The following PDZRN3 variants were observed in gnomAD, a reference collection of about 807,000 sequenced individuals.
The protein encoded by PDZRN3 is PDZ domain containing ring finger 3.
PDZRN3 carries 38 observed loss-of-function variants against 85.7 expected under a neutral mutation model. The ratio of observed to expected loss-of-function variants is 0.44; its 90% CI spans 0.34 to 0.58. The LOEUF (loss-of-function observed/expected upper bound fraction) is 0.58, where lower values mean the gene tolerates loss of function less well. PDZRN3 is among the 20% of genes least tolerant of loss of function. The pLI is 0.01. For missense variants in PDZRN3, 1,629 were observed against 1,506.4 expected (o/e 1.08, Z -1.35); for synonymous variants, 759 against 638.0 (o/e 1.19, Z -2.86).
chr3:73,608,079 T>A (rs1303955104), intron 2 of PDZRN3, among the ~76,000 whole-genome samples: 3 of 152,136 alleles, frequency 2.0e-5, no homozygotes, highest in Non-Finnish European at 4.4e-5. Context: ...GGCCTCTTCT[T>A]TCTAGAGGAG....
intron 3 of PDZRN3, among the ~76,000 whole-genome samples, chr3:73,576,680 T>C (rs1702128714): frequency 6.6e-6 from 1 of 152,206 alleles, no homozygotes; most frequent in Admixed American, 6.5e-5. Flanking sequence ...TTTTGCCTTT[T>C]TCAATTTTGC....
intron 3 of PDZRN3, among the ~76,000 whole-genome samples, chr3:73,581,548 G>T (rs1200426318): frequency 1.3e-5 from 2 of 152,134 alleles, no homozygotes; most frequent in African/African-American, 4.8e-5. Flanking sequence ...CGAGTCCCAG[G>T]ACTATAGGAA....
chr3:73,602,296 T>C (rs1702526476), intron 3 of PDZRN3, 58 bp downstream of exon 3: 2 of 927,290 alleles, frequency 2.2e-6, no homozygotes, highest in African/African-American at 1.6e-5. Context: ...TGCTTTGAGC[T>C]AGACGAAGAT....
chr3:73,568,512 G>A (rs1006594233), intron 3 of PDZRN3, among the ~76,000 whole-genome samples: 2 of 152,112 alleles, frequency 1.3e-5, no homozygotes, highest in East Asian at 1.9e-4. Context: ...GCTGAGAGTC[G>A]CTCTCCTACA....
intron 3 of PDZRN3, among the ~76,000 whole-genome samples, chr3:73,489,894 G>A (rs1703738918): frequency 2.6e-5 from 4 of 152,018 alleles, no homozygotes. Context: ...TATTCTCACA[G>A]GCACCCAAAA....
chr3:73,611,849 C>T (rs947972913), intron 1 of PDZRN3, among the ~76,000 whole-genome samples: 4 of 152,180 alleles, frequency 2.6e-5, no homozygotes, highest in Non-Finnish European at 5.9e-5. Context: ...ACATTAACCT[C>T]TGCTTACCCA....
intron 3 of PDZRN3, among the ~76,000 whole-genome samples, chr3:73,423,635 A>T (rs1162614380): frequency 6.6e-6 from 1 of 152,228 alleles, no homozygotes; most frequent in African/African-American, 2.4e-5. Flanking sequence ...TTTTACAACA[A>T]ATGTTACAGT....
At chr3:73,510,313 C>G (rs1026975869) in intron 3 of PDZRN3, among the ~76,000 whole-genome samples, 4 of 152,164 alleles carry the variant, frequency 2.6e-5, no homozygotes, top group African/African-American at 9.7e-5. Flanking sequence ...CCTTTTACGT[C>G]TGGTCTTGCC....
At chr3:73,403,034 C>T (rs1262868855) in intron 4 of PDZRN3, among the ~76,000 whole-genome samples, 2 of 150,966 alleles carry the variant, frequency 1.3e-5, no homozygotes, top group East Asian at 3.9e-4. Flanking sequence ...AGCTCCGCCT[C>T]CCGGGTTCAC....
At chr3:73,447,373 A>T (rs1477535681) in intron 3 of PDZRN3, among the ~76,000 whole-genome samples, 1 of 151,918 alleles carries the variant, frequency 6.6e-6, no homozygotes, top group Non-Finnish European at 1.5e-5. Flanking sequence ...CTCCAGGCCG[A>T]CAGAGGTTTC....
chr3:73,385,765 A>G lies in PDZRN3; in HGVS notation c.1539T>C (p.Asp513=), dbSNP rs751322459. ...PELQLDEGWM[D]DDRNDFLDDL... is the part of the protein sequence containing the mutation. ...CATCCAGAAAGTCGTTCCTGTCATCATCCATCCAGCCCTCATCCAGCTGCA... is the reference window on the plus strand; with the variant it reads ...CATCCAGAAAGTCGTTCCTGTCATCGTCCATCCAGCCCTCATCCAGCTGCA... The change falls in exon 9 of 10, where the codon GAT becomes GAC. Residue 513 remains aspartate, a synonymous_variant. Coordinates refer to ENST00000263666, the MANE Select transcript of PDZRN3 (RefSeq NM_015009.3). 2 of 1,612,280 alleles carry G rather than the reference A, an allele frequency of 1.2e-6. No homozygotes were observed. The highest frequency in any genetic ancestry group is 1.7e-6 in the Non-Finnish European group (2 of 1,178,302).
chr3:73,620,888 GT>G (rs1432461323), intron 1 of PDZRN3, among the ~76,000 whole-genome samples: 1 of 152,234 alleles, frequency 6.6e-6, no homozygotes, highest in Non-Finnish European at 1.5e-5. Flanking sequence ...GGCAGTCTGG[GT>G]TTTAAAATTT....
chr3:73,443,475 T>TTTCC (rs1328391883), intron 3 of PDZRN3, among the ~76,000 whole-genome samples: 1,284 of 40,296 alleles, frequency 0.032, 21 homozygotes, highest in African/African-American at 0.072. Flanking sequence ...TTATTTTCCT[T>TTTCC]TTTCTTTTTT....
intron 3 of PDZRN3, among the ~76,000 whole-genome samples, chr3:73,490,476 G>A (rs901223030): frequency 6.6e-6 from 1 of 152,224 alleles, no homozygotes; most frequent in Admixed American, 6.5e-5. Flanking sequence ...TGCAAGAGCA[G>A]ATCTTGCTCC....
chr3:73,385,856 G>T, intron 8 of PDZRN3, 71 bp from the exon 9 acceptor site: 3 of 906,214 alleles, frequency 3.3e-6, no homozygotes, highest in Non-Finnish European at 3.6e-6. Context: ...TTTTAAAAAT[G>T]ACATTACCTT....
At chr3:73,529,439 A>C (rs2106750654) in intron 3 of PDZRN3, among the ~76,000 whole-genome samples, 1 of 151,382 alleles carries the variant, frequency 6.6e-6, no homozygotes, top group Admixed American at 6.6e-5. Flanking sequence ...CACAGTCCCC[A>C]CCCCTCCCCC....
intron 3 of PDZRN3, among the ~76,000 whole-genome samples, chr3:73,534,378 G>A (rs1238035538): frequency 6.6e-6 from 1 of 152,186 alleles, no homozygotes; most frequent in East Asian, 1.9e-4. Flanking sequence ...TTCCAATGGA[G>A]GTTAAATTCC....
At chr3:73,525,595 G>A (rs1704504331) in intron 3 of PDZRN3, among the ~76,000 whole-genome samples, 1 of 152,172 alleles carries the variant, frequency 6.6e-6, no homozygotes, top group African/African-American at 2.4e-5. Context: ...CAACTGATTG[G>A]GAATACGTTT....
chr3:73,440,476 G>A (rs959188906), intron 3 of PDZRN3, among the ~76,000 whole-genome samples: 10 of 152,208 alleles, frequency 6.6e-5, no homozygotes, highest in Admixed American at 5.9e-4. Flanking sequence ...GCGCCTTGAT[G>A]TCACAACATG....
Sources: gnomAD v4.1 joint callset for allele counts (sites outside exome capture counted in the v4.1 genomes callset) on GRCh38, gnomAD v4.1.1 for gene constraint, MANE v1.5 for transcripts, NCBI Gene and HGNC (gene_info 2026-07-23, HGNC 2026-07-21) for gene names.